Variants in LRP1B observed in about 807,000 individuals in gnomAD.
LRP1B encodes low-density lipoprotein receptor-related protein 1B.
A neutral mutation model predicts 556.6 loss-of-function variants in LRP1B; 217 were observed. That is an observed-to-expected ratio of 0.39 (90% confidence interval 0.35 to 0.44). The LOEUF is 0.44. Among genes scored for constraint, LRP1B ranks in the 20% least tolerant of loss-of-function variants. The pLI, the probability that LRP1B is intolerant of heterozygous loss-of-function variation, is 1.00. For synonymous variants in LRP1B, 2,047 were observed against 1,865.8 expected (o/e 1.10, Z -2.50); for missense variants, 5,053 against 5,620.8 (o/e 0.90, Z 3.23).
chr2:140,251,027 A>G (rs139323237), intron 86 of LRP1B, among the ~76,000 whole-genome samples: 1 of 151,924 alleles, frequency 6.6e-6, no homozygotes, highest in Admixed American at 6.6e-5. Context: ...ATGTTACTGC[A>G]TGAAACACAT....
chr2:142,038,914 T>G (rs1303283160), intron 1 of LRP1B, among the ~76,000 whole-genome samples: 1 of 151,622 alleles, frequency 6.6e-6, no homozygotes, highest in Non-Finnish European at 1.5e-5. Flanking sequence ...AAATGAAATC[T>G]AGGCCAATCA....
chr2:140,533,251 A>G (rs1690800660), intron 47 of LRP1B, among the ~76,000 whole-genome samples: 1 of 152,118 alleles, frequency 6.6e-6, no homozygotes, highest in Non-Finnish European at 1.5e-5. Context: ...CAGTGCTAAC[A>G]TAGCATACAC....
At position 140,456,541 on chromosome 2, in the gene LRP1B, C is replaced by T. The variant is rs763764054; in HGVS notation, c.9877G>A (p.Gly3293Arg). 8 of 1,613,146 alleles carry T rather than the reference C, an allele frequency of 5.0e-6. No homozygotes were observed. In the East Asian group the frequency reaches 8.9e-5, roughly 18 times the overall value. ...GGACATGCACAAGTGTGGGTTTTTC[C>T]AGGGGCTAAAAGGCACAAATGACTG... The part of the protein sequence containing the change: ...GCSHLCLLAP[G>R]KTHTCACPTN... Residue 3293 changes from glycine (G) to arginine (R), a missense_variant, in exon 62 of 91, where the codon GGA (glycine) becomes AGA (arginine). Gly to Arg is a moderately radical substitution (Grantham distance 125). Coordinates refer to ENST00000389484, the MANE Select transcript of LRP1B (RefSeq NM_018557.3).
At chr2:140,481,148 GA>G (rs1271669434) in intron 59 of LRP1B, among the ~76,000 whole-genome samples, 1 of 152,200 alleles carries the variant, frequency 6.6e-6, no homozygotes, top group African/African-American at 2.4e-5. Flanking sequence ...TTACAGGCGT[GA>G]GCCACTGTGC....
intron 2 of LRP1B, among the ~76,000 whole-genome samples, chr2:141,779,341 C>T (rs548152334): frequency 6.6e-6 from 1 of 151,478 alleles, no homozygotes; most frequent in Non-Finnish European, 1.5e-5. Context: ...TGATTTCCCT[C>T]TAGAAAGACT....
intron 31 of LRP1B, among the ~76,000 whole-genome samples, chr2:140,836,329 A>G (rs1185364720): frequency 1.3e-5 from 2 of 152,220 alleles, no homozygotes; most frequent in African/African-American, 4.8e-5. Context: ...CACAGAGTTA[A>G]TAAGCATCAA....
chr2:140,314,674 G>A (rs957457050), intron 83 of LRP1B, among the ~76,000 whole-genome samples: 7 of 152,068 alleles, frequency 4.6e-5, no homozygotes, highest in Non-Finnish European at 1.0e-4. Flanking sequence ...TAATCATTCT[G>A]AGCCAGGGGC....
At chr2:141,835,029 G>A (rs1464135737) in intron 1 of LRP1B, among the ~76,000 whole-genome samples, 1 of 151,938 alleles carries the variant, frequency 6.6e-6, no homozygotes, top group Non-Finnish European at 1.5e-5. Context: ...AATCTCATAA[G>A]AGAGTGAATA....
chr2:141,456,191 T>C (rs750996555), intron 3 of LRP1B, among the ~76,000 whole-genome samples: 2 of 152,234 alleles, frequency 1.3e-5, no homozygotes, highest in Non-Finnish European at 2.9e-5. Flanking sequence ...TGGCTTTCCA[T>C]TGTCAGTAAA....
chr2:141,158,136 GAAATCACAT>G (rs1702115484), intron 7 of LRP1B, among the ~76,000 whole-genome samples: 1 of 152,246 alleles, frequency 6.6e-6, no homozygotes, highest in Middle Eastern at 3.4e-3. Flanking sequence ...TTAAATGACT[GAAATCACAT>G]AAATCACATT....
intron 3 of LRP1B, among the ~76,000 whole-genome samples, chr2:141,300,090 A>G (rs941152809): frequency 6.6e-6 from 1 of 152,206 alleles, no homozygotes; most frequent in African/African-American, 2.4e-5. Flanking sequence ...TACAACAAGA[A>G]GTCAGCAGTC....
intron 62 of LRP1B, among the ~76,000 whole-genome samples, chr2:140,455,879 CAT>C (rs1264239800): frequency 6.6e-6 from 1 of 152,162 alleles, no homozygotes; most frequent in African/African-American, 2.4e-5. Flanking sequence ...TTTACAATGT[CAT>C]ATGACTATTG....
At chr2:140,764,187 C>T (rs914233294) in intron 35 of LRP1B, among the ~76,000 whole-genome samples, 4 of 152,088 alleles carry the variant, frequency 2.6e-5, no homozygotes, top group Admixed American at 6.6e-5. Context: ...GAGAGAGACT[C>T]ATTTGAGTGT....
At chr2:140,667,445 T>C (rs1388918387) in intron 41 of LRP1B, among the ~76,000 whole-genome samples, 1 of 152,206 alleles carries the variant, frequency 6.6e-6, no homozygotes, top group Admixed American at 6.5e-5. Flanking sequence ...CAAGCTAGAA[T>C]GACTGCTAAT....
intron 3 of LRP1B, among the ~76,000 whole-genome samples, chr2:141,296,757 T>A (rs1686196127): frequency 6.6e-6 from 1 of 152,080 alleles, no homozygotes; most frequent in South Asian, 2.1e-4. Context: ...TATGTGCAGG[T>A]TTTTTACATG....
intron 23 of LRP1B, among the ~76,000 whole-genome samples, chr2:140,899,983 A>G (rs893751589): frequency 1.3e-5 from 2 of 152,336 alleles, no homozygotes; most frequent in African/African-American, 4.8e-5. Flanking sequence ...AAACAAGAAA[A>G]AAAAACAAAA....
intron 82 of LRP1B, among the ~76,000 whole-genome samples, chr2:140,315,346 T>C (rs1684475545): frequency 1.3e-5 from 2 of 152,142 alleles, no homozygotes; most frequent in Non-Finnish European, 2.9e-5. Flanking sequence ...AACCTTTTCT[T>C]GTATTTGTAA....
intron 49 of LRP1B, among the ~76,000 whole-genome samples, chr2:140,521,184 C>G (rs1000718035): frequency 6.6e-6 from 1 of 151,914 alleles, no homozygotes; most frequent in Non-Finnish European, 1.5e-5. Context: ...CAGACAGATT[C>G]AAGATAGCCA....
At chr2:141,276,748 C>T (rs896502275) in intron 3 of LRP1B, among the ~76,000 whole-genome samples, 16 of 151,104 alleles carry the variant, frequency 1.1e-4, no homozygotes, top group Non-Finnish European at 2.1e-4. Context: ...GCTCCGCCTC[C>T]CCGGTTCACG....
Sources: allele counts gnomAD v4.1 joint callset (sites outside exome capture counted in the v4.1 genomes callset), GRCh38; gene constraint gnomAD v4.1.1; transcripts MANE v1.5; gene names NCBI Gene and HGNC (gene_info 2026-07-23, HGNC 2026-07-21).